The following TSPAN18 variants were observed in gnomAD, a reference collection of about 807,000 sequenced individuals.
TSPAN18 encodes the protein tetraspanin 18.
TSPAN18 carries 14 observed loss-of-function variants against 27.3 expected under a neutral mutation model. That is an observed-to-expected ratio of 0.51 (90% confidence interval 0.34 to 0.80). TSPAN18 has a LOEUF of 0.80. Among genes scored for constraint, TSPAN18 ranks in the 30% least tolerant of loss-of-function variants. The pLI, the probability that TSPAN18 is intolerant of heterozygous loss-of-function variation, is 0.01. For missense variants in TSPAN18, 268 were observed against 323.9 expected, an observed-to-expected ratio of 0.83 and a Z score of 1.32; for synonymous variants, 143 against 136.5, an observed-to-expected ratio of 1.05 and a Z score of -0.33.
At chr11:44,774,520 G>C (rs1855760412) in intron 2 of TSPAN18, among the ~76,000 whole-genome samples, 1 of 152,238 alleles carries the variant, frequency 6.6e-6, no homozygotes, top group South Asian at 2.1e-4. Flanking sequence ...GAGACCTGGG[G>C]TGACAGAGTT....
At chr11:44,801,182 G>A (rs1487027205) in intron 2 of TSPAN18, among the ~76,000 whole-genome samples, 1 of 152,138 alleles carries the variant, frequency 6.6e-6, no homozygotes, top group Non-Finnish European at 1.5e-5. Context: ...TGAGCAATTG[G>A]TACATAGGGG....
At chr11:44,793,673 C>G (rs1370651094) in intron 2 of TSPAN18, among the ~76,000 whole-genome samples, 1 of 152,182 alleles carries the variant, frequency 6.6e-6, no homozygotes, top group Non-Finnish European at 1.5e-5. Flanking sequence ...TCTCTAAGCC[C>G]TCCTCTCCAC....
At chr11:44,817,114 G>T (rs551133618) in intron 2 of TSPAN18, among the ~76,000 whole-genome samples, 1 of 152,340 alleles carries the variant, frequency 6.6e-6, no homozygotes, top group South Asian at 2.1e-4. Flanking sequence ...TCCCTTTAGG[G>T]ATGCCCTTGT....
intron 4 of TSPAN18, among the ~76,000 whole-genome samples, chr11:44,908,810 A>AGAAGGAAGGAAG (rs1564993114): frequency 4.3e-5 from 5 of 116,490 alleles, no homozygotes; most frequent in Non-Finnish European, 7.1e-5. Flanking sequence ...AAAGAAAGAA[A>AGAAGGAAGGAAG]GAAAGAAAGA....
chr11:44,813,924 A>T (rs1464279011), intron 2 of TSPAN18, among the ~76,000 whole-genome samples: 1 of 152,222 alleles, frequency 6.6e-6, no homozygotes, highest in Non-Finnish European at 1.5e-5. Context: ...TGTAAAAATA[A>T]AAATCAAGGG....
intron 8 of TSPAN18, 162 bp from the exon 9 acceptor site, chr11:44,926,512 G>A (rs527444971): frequency 1.6e-5 from 11 of 668,956 alleles, no homozygotes; most frequent in Non-Finnish European, 1.9e-5. Flanking sequence ...CTGTTTCTGG[G>A]TCTCCTGCCC....
At position 44,893,167 on chromosome 11, in the gene TSPAN18, T is replaced by C. The variant is rs554066639; in HGVS notation, c.-10-13240T>C. 2.0e-5 allele frequency among the ~76,000 whole-genome samples: 3 copies of C among 152,366 alleles called. No individual in the cohort carries two copies. In the East Asian group the frequency reaches 5.8e-4, roughly 29 times the overall value. On this transcript the variant is annotated intron_variant, in intron 3 of 9. Coordinates refer to ENST00000520358, the MANE Select transcript of TSPAN18 (RefSeq NM_130783.5). ...TTCTACATGGGACAGAGGAAAGGGCTGGTGGCAGGGACAGGGTGCCCATCC... is the reference window on the plus strand; with the variant it reads ...TTCTACATGGGACAGAGGAAAGGGCCGGTGGCAGGGACAGGGTGCCCATCC...
chr11:44,903,199 G>A (rs1294834594), intron 3 of TSPAN18, among the ~76,000 whole-genome samples: 2 of 152,100 alleles, frequency 1.3e-5, no homozygotes, highest in Admixed American at 1.3e-4. Context: ...ATGGGGGCAG[G>A]AGGGGGGAAT....
chr11:44,800,006 G>GGTTTTTTTTTTTTT (rs1554985027), intron 2 of TSPAN18, among the ~76,000 whole-genome samples: 5 of 109,376 alleles, frequency 4.6e-5, no homozygotes, highest in Middle Eastern at 6.4e-3. Flanking sequence ...AATTTTTTGT[G>GGTTTTTTTTTTTTT]TTTTTTTTTT....
chr11:44,765,094 C>T (rs1478032405), intron 2 of TSPAN18, among the ~76,000 whole-genome samples: 8 of 152,140 alleles, frequency 5.3e-5, no homozygotes, highest in Admixed American at 4.6e-4. Flanking sequence ...GCTGGGTGGC[C>T]TCATGGAAGC....
intron 2 of TSPAN18, among the ~76,000 whole-genome samples, chr11:44,770,566 G>A (rs1008043762): frequency 6.6e-6 from 1 of 152,166 alleles, no homozygotes. Context: ...GCTAGCTAGG[G>A]TGAAGACTTT....
chr11:44,867,468 G>A (rs1240313766), intron 3 of TSPAN18, among the ~76,000 whole-genome samples: 3 of 125,380 alleles, frequency 2.4e-5, no homozygotes, highest in Non-Finnish European at 3.1e-5. Context: ...GCCCGATCTC[G>A]GCTCACTGCA....
intron 2 of TSPAN18, among the ~76,000 whole-genome samples, chr11:44,785,484 C>A (rs977087501): frequency 6.6e-6 from 1 of 151,894 alleles, no homozygotes; most frequent in African/African-American, 2.4e-5. Context: ...TTTCCCCCCT[C>A]GTACAAAAAA....
At chr11:44,799,926 G>A (rs897895303) in intron 2 of TSPAN18, among the ~76,000 whole-genome samples, 9 of 151,856 alleles carry the variant, frequency 5.9e-5, no homozygotes, top group African/African-American at 2.2e-4. Flanking sequence ...TGCCTCCTGG[G>A]TTCAAGCGAT....
chr11:44,823,993 G>A (rs1327230168), intron 2 of TSPAN18, among the ~76,000 whole-genome samples: 4 of 152,152 alleles, frequency 2.6e-5, no homozygotes, highest in Non-Finnish European at 5.9e-5. Flanking sequence ...CTAGAGTCCC[G>A]TGCTGTAGCC....
chr11:44,744,529 T>G (rs1360146783), intron 1 of TSPAN18, among the ~76,000 whole-genome samples: 1 of 152,154 alleles, frequency 6.6e-6, no homozygotes, highest in African/African-American at 2.4e-5. Flanking sequence ...TGACCAGGAC[T>G]CATCATGTGA....
intron 1 of TSPAN18, among the ~76,000 whole-genome samples, chr11:44,731,633 TGAGAGA>T (rs1554976096): frequency 1.0e-4 from 11 of 107,384 alleles, no homozygotes; most frequent in Non-Finnish European, 1.7e-4. Context: ...TGTGTGTGTG[TGAGAGA>T]GAGAGAGAGA....
At chr11:44,841,296 C>G (rs1217968890) in intron 2 of TSPAN18, among the ~76,000 whole-genome samples, 1 of 152,152 alleles carries the variant, frequency 6.6e-6, no homozygotes, top group African/African-American at 2.4e-5. Flanking sequence ...GCAGGTGGAT[C>G]ACTTGAGGTC....
At chr11:44,885,614 A>G (rs1206652247) in intron 3 of TSPAN18, among the ~76,000 whole-genome samples, 2 of 152,054 alleles carry the variant, frequency 1.3e-5, no homozygotes, top group African/African-American at 2.4e-5. Context: ...TTATGACTCC[A>G]AGGAGCAGCT....
Sources: allele counts gnomAD v4.1 joint callset (sites outside exome capture counted in the v4.1 genomes callset), GRCh38; gene constraint gnomAD v4.1.1; transcripts MANE v1.5; gene names NCBI Gene and HGNC (gene_info 2026-07-23, HGNC 2026-07-21).